CSMD3: variants seen among roughly 807,000 people sequenced by gnomAD.
CSMD3 encodes CUB and Sushi multiple domains 3.
A neutral mutation model predicts 435.2 loss-of-function variants in CSMD3; 177 were observed. The ratio of observed to expected loss-of-function variants is 0.41; its 90% confidence interval spans 0.36 to 0.46. The LOEUF (loss-of-function observed/expected upper bound fraction) is 0.46, where lower values mean the gene tolerates loss of function less well. CSMD3 is among the 20% of genes least tolerant of loss of function. The pLI is 0.34. For synonymous variants in CSMD3, 1,656 were observed against 1,520.5 expected (o/e 1.09, Z -2.07); for missense variants, 4,265 against 4,504.6 (o/e 0.95, Z 1.52).
chr8:112,629,811 A>C (rs2074463992), intron 22 of CSMD3, among the ~76,000 whole-genome samples: 1 of 152,120 alleles, frequency 6.6e-6, no homozygotes, highest in Admixed American at 6.6e-5. Flanking sequence ...ATTATGCCTT[A>C]AGCCAATCTC....
At chr8:113,092,983 G>A (rs150026637) in intron 5 of CSMD3, among the ~76,000 whole-genome samples, 28 of 151,932 alleles carry the variant, frequency 1.8e-4, no homozygotes, top group Non-Finnish European at 3.1e-4. Context: ...TACAACCATT[G>A]GAAAAAACAT....
intron 55 of CSMD3, among the ~76,000 whole-genome samples, chr8:112,291,935 T>C (rs917902905): frequency 7.7e-4 from 117 of 152,120 alleles, no homozygotes; most frequent in African/African-American, 2.8e-3. Flanking sequence ...TTGTAAGTAT[T>C]GCGCTAAGTA....
intron 7 of CSMD3, among the ~76,000 whole-genome samples, chr8:112,962,857 T>C (rs951407370): frequency 6.6e-6 from 1 of 151,960 alleles, no homozygotes; most frequent in Non-Finnish European, 1.5e-5. Context: ...AATGGCTACA[T>C]CCTTGCTACA....
intron 50 of CSMD3, among the ~76,000 whole-genome samples, chr8:112,307,132 G>GT (rs1554636921): frequency 1.5e-3 from 216 of 148,914 alleles, no homozygotes; most frequent in Middle Eastern, 3.4e-3. Flanking sequence ...TTTGTTTTTT[G>GT]TTTTTTTTTG....
At chr8:112,696,523 C>T (rs9649934) in intron 13 of CSMD3, among the ~76,000 whole-genome samples, 50,072 of 150,468 alleles carry the variant, frequency 0.33, 9,089 homozygotes, top group African/African-American at 0.51. Flanking sequence ...GCTAGCCATA[C>T]ATAGAAAGCT....
intron 1 of CSMD3, among the ~76,000 whole-genome samples, chr8:113,431,732 CAT>C (rs376140780): frequency 1.4e-3 from 205 of 151,688 alleles, no homozygotes; most frequent in African/African-American, 4.6e-3. Flanking sequence ...TTTTTCCGCA[CAT>C]GAGTACAAAG....
At chr8:112,656,810 C>T (rs999128906) in intron 17 of CSMD3, among the ~76,000 whole-genome samples, 2 of 151,896 alleles carry the variant, frequency 1.3e-5, no homozygotes, top group Admixed American at 6.6e-5. Context: ...AACATTTATA[C>T]AAAATTTTTG....
chr8:112,258,392 G>A (rs1001212740), intron 61 of CSMD3, among the ~76,000 whole-genome samples: 1 of 152,102 alleles, frequency 6.6e-6, no homozygotes, highest in African/African-American at 2.4e-5. Flanking sequence ...ATGACAAAGG[G>A]CTAATATCCA....
chr8:112,704,566 C>A (rs527736315), intron 13 of CSMD3, among the ~76,000 whole-genome samples: 1 of 151,956 alleles, frequency 6.6e-6, no homozygotes, highest in Admixed American at 6.6e-5. Context: ...CATTTTGCTG[C>A]AACCCGATGA....
chr8:113,184,528 A>T (rs1195296008), intron 3 of CSMD3, among the ~76,000 whole-genome samples: 2 of 152,060 alleles, frequency 1.3e-5, no homozygotes, highest in East Asian at 1.9e-4. Context: ...TGCCAAAAAA[A>T]TGAGGCCAAA....
intron 38 of CSMD3, among the ~76,000 whole-genome samples, chr8:112,356,216 A>G (rs1337058861): frequency 6.6e-6 from 1 of 152,204 alleles, no homozygotes; most frequent in Non-Finnish European, 1.5e-5. Flanking sequence ...CTACCAAAAG[A>G]CACATGCACT....
intron 4 of CSMD3, among the ~76,000 whole-genome samples, chr8:113,144,381 C>T (rs963793494): frequency 7.3e-5 from 11 of 151,320 alleles, no homozygotes; most frequent in Admixed American, 2.0e-4. Context: ...ACTCTGCTGG[C>T]CATAGAGCAG....
At chr8:112,966,562 C>T (rs566218197) in intron 7 of CSMD3, among the ~76,000 whole-genome samples, 1 of 151,066 alleles carries the variant, frequency 6.6e-6, no homozygotes. Context: ...TAAAGGGAAA[C>T]TAAACCCTGA....
At chr8:112,953,642 TAA>T (rs200267998) in intron 8 of CSMD3, among the ~76,000 whole-genome samples, 2 of 151,514 alleles carry the variant, frequency 1.3e-5, no homozygotes, top group South Asian at 2.1e-4. Context: ...ATATTTGATA[TAA>T]GACTCCAAGT....
chr8:112,513,027 G>T (rs1394414174), intron 28 of CSMD3, among the ~76,000 whole-genome samples: 1 of 152,136 alleles, frequency 6.6e-6, no homozygotes, highest in African/African-American at 2.4e-5. Context: ...AAGAGTTAGG[G>T]CCTTCCTTTG....
intron 3 of CSMD3, among the ~76,000 whole-genome samples, chr8:113,276,614 C>T (rs1256486240): frequency 4.0e-4 from 61 of 151,972 alleles, no homozygotes; most frequent in Admixed American, 4.0e-3. Flanking sequence ...CAAACCCAGC[C>T]CACTGAAATT....
At chr8:112,365,561 A>T (rs981666691) in intron 38 of CSMD3, among the ~76,000 whole-genome samples, 1 of 150,844 alleles carries the variant, frequency 6.6e-6, no homozygotes, top group Non-Finnish European at 1.5e-5. Context: ...ACCAAGAAGG[A>T]TAAAATACTA....
At chr8:112,406,466 TA>T in intron 35 of CSMD3, 57 bp downstream of exon 35, 2 of 1,190,604 alleles carry the variant, frequency 1.7e-6, no homozygotes, top group Non-Finnish European at 2.4e-6. Context: ...TTGAAAGATG[TA>T]ACCAATTTTT....
At chr8:113,281,560 G>A (rs779558663) in intron 2 of CSMD3, among the ~76,000 whole-genome samples, 4 of 151,688 alleles carry the variant, frequency 2.6e-5, no homozygotes, top group East Asian at 3.9e-4. Context: ...TTATGTGTTA[G>A]GTGAGTCTCC....
Sources: allele counts gnomAD v4.1 joint callset (sites outside exome capture counted in the v4.1 genomes callset), GRCh38; gene constraint gnomAD v4.1.1; transcripts MANE v1.5; gene names NCBI Gene and HGNC (gene_info 2026-07-23, HGNC 2026-07-21).